The following AKAP19 variants were observed in gnomAD, a reference collection of about 807,000 sequenced individuals.
The protein encoded by AKAP19 is small A-kinase anchoring protein.
At chr2:190,024,382 A>ATATCTATACACACATATATATGTGTGTG in the AKAP19 span, among the ~76,000 whole-genome samples, 2 of 139,002 alleles carry the variant, frequency 1.4e-5, no homozygotes, top group African/African-American at 6.2e-5. Flanking sequence ...ATGTGTGTGT[A>ATATCTATACACACATATATATGTGTGTG]TATATATATA....
chr2:190,103,634 G>A, the AKAP19 span, among the ~76,000 whole-genome samples: 4 of 152,042 alleles, frequency 2.6e-5, no homozygotes, highest in Non-Finnish European at 4.4e-5. Flanking sequence ...TAACCAAGGA[G>A]GTAAAAGATC....
chr2:189,891,223 C>CTTTTTTTTTTT, the AKAP19 span, among the ~76,000 whole-genome samples: 3 of 110,468 alleles, frequency 2.7e-5, no homozygotes, highest in Non-Finnish European at 3.5e-5. Flanking sequence ...TTTTTTTTTC[C>CTTTTTTTTTTT]TTTTTTTTTT....
At chr2:190,106,653 G>A in the AKAP19 span, among the ~76,000 whole-genome samples, 1 of 151,994 alleles carries the variant, frequency 6.6e-6, no homozygotes, top group Non-Finnish European at 1.5e-5. Flanking sequence ...TCTTGTCTGT[G>A]CAAATCCTAG....
the AKAP19 span, among the ~76,000 whole-genome samples, chr2:190,026,692 G>A: frequency 6.6e-6 from 1 of 152,150 alleles, no homozygotes; most frequent in African/African-American, 2.4e-5. Flanking sequence ...TGAAGTCTGA[G>A]AAACATCATT....
chr2:190,066,029 G>A, the AKAP19 span, among the ~76,000 whole-genome samples: 1 of 152,122 alleles, frequency 6.6e-6, no homozygotes, highest in Non-Finnish European at 1.5e-5. Flanking sequence ...AGTGGGTAGA[G>A]AAGAATTCCT....
chr2:189,910,648 A>G, the AKAP19 span, among the ~76,000 whole-genome samples: 23 of 152,074 alleles, frequency 1.5e-4, 1 homozygote, highest in South Asian at 2.5e-3. Context: ...GACAAAGCGT[A>G]ACCATATTTT....
chr2:189,983,851 G>A, the AKAP19 span, among the ~76,000 whole-genome samples: 1 of 152,188 alleles, frequency 6.6e-6, no homozygotes, highest in South Asian at 2.1e-4. Flanking sequence ...TAAAGGGACA[G>A]AGTACAAAAG....
the AKAP19 span, among the ~76,000 whole-genome samples, chr2:189,947,581 A>C: frequency 6.6e-6 from 1 of 152,122 alleles, no homozygotes; most frequent in African/African-American, 2.4e-5. Flanking sequence ...CTCTAAGCTT[A>C]AATTTCCTCG....
the AKAP19 span, among the ~76,000 whole-genome samples, chr2:190,138,881 G>A: frequency 2.0e-5 from 3 of 152,202 alleles, 1 homozygote; most frequent in Admixed American, 1.3e-4. Flanking sequence ...GGATTTGGAC[G>A]TAGACCCTTA....
chr2:189,957,239 T>G, the AKAP19 span, among the ~76,000 whole-genome samples: 1 of 152,136 alleles, frequency 6.6e-6, no homozygotes, highest in Admixed American at 6.5e-5. Flanking sequence ...TTATAGAAAG[T>G]TTGGATGTGA....
chr2:190,055,597 A>G, the AKAP19 span: 4 of 152,350 alleles, frequency 2.6e-5, no homozygotes, highest in Admixed American at 6.5e-5. Context: ...CCGGAGTAGC[A>G]GACCTAAAAT....
the AKAP19 span, among the ~76,000 whole-genome samples, chr2:190,019,635 T>C: frequency 6.6e-6 from 1 of 151,964 alleles, no homozygotes; most frequent in African/African-American, 2.4e-5. Context: ...GATCTAGTCA[T>C]GCCATTACCC....
the AKAP19 span, among the ~76,000 whole-genome samples, chr2:189,899,541 G>T: frequency 6.6e-6 from 1 of 152,138 alleles, no homozygotes; most frequent in Admixed American, 6.6e-5. Flanking sequence ...TTGCTGCATG[G>T]TCTCCTTGAG....
At chr2:190,043,348 C>T in the AKAP19 span, among the ~76,000 whole-genome samples, 2 of 152,132 alleles carry the variant, frequency 1.3e-5, no homozygotes, top group Non-Finnish European at 2.9e-5. Context: ...ATAGATTTGG[C>T]CCCTTTACAT....
chr2:190,078,827 A>G, the AKAP19 span, among the ~76,000 whole-genome samples: 1 of 152,306 alleles, frequency 6.6e-6, no homozygotes, highest in African/African-American at 2.4e-5. Context: ...ATAAACTCTC[A>G]AAGATATTTG....
chr2:189,976,473 G>A, the AKAP19 span, among the ~76,000 whole-genome samples: 142 of 152,294 alleles, frequency 9.3e-4, no homozygotes, highest in Admixed American at 2.4e-3. Flanking sequence ...CTCCAGCTGC[G>A]TGCTGGGAGA....
At chr2:189,956,222 T>A in the AKAP19 span, among the ~76,000 whole-genome samples, 4 of 129,338 alleles carry the variant, frequency 3.1e-5, no homozygotes, top group African/African-American at 1.2e-4. Context: ...CAGGCTGGAG[T>A]GCAGTGGCGG....
the AKAP19 span, among the ~76,000 whole-genome samples, chr2:189,919,489 G>T: frequency 2.0e-5 from 3 of 150,888 alleles, no homozygotes; most frequent in Non-Finnish European, 2.9e-5. Context: ...AGGTATAGGA[G>T]TGCCATGGTG....
the AKAP19 span, chr2:190,199,877 C>G: frequency 6.2e-7 from 1 of 1,613,584 alleles, no homozygotes; most frequent in African/African-American, 1.3e-5. Flanking sequence ...TGCATGAAAT[C>G]AAAGCAAACT....
Sources: allele counts gnomAD v4.1 joint callset (sites outside exome capture counted in the v4.1 genomes callset), GRCh38; gene constraint gnomAD v4.1.1; transcripts MANE v1.5; gene names NCBI Gene and HGNC (gene_info 2026-07-23, HGNC 2026-07-21).